Variants in PTPRM observed in about 807,000 individuals in gnomAD.
PTPRM encodes the protein receptor-type tyrosine-protein phosphatase mu.
A neutral mutation model predicts 186.7 loss-of-function variants in PTPRM; 47 were observed. The ratio of observed to expected loss-of-function variants is 0.25; its 90% confidence interval spans 0.20 to 0.32. The LOEUF (loss-of-function observed/expected upper bound fraction) is 0.32, where lower values mean the gene tolerates loss of function less well. PTPRM is among the 10% of genes least tolerant of loss of function. The pLI, the probability that PTPRM is intolerant of heterozygous loss-of-function variation, is 1.00. For synonymous variants in PTPRM, 668 were observed against 674.9 expected, an observed-to-expected ratio of 0.99 and a Z score of 0.16; for missense variants, 1,494 against 1,865.0, an observed-to-expected ratio of 0.80 and a Z score of 3.66.
intron 14 of PTPRM, among the ~76,000 whole-genome samples, chr18:8,168,809 A>G (rs780928363): frequency 2.0e-5 from 3 of 152,204 alleles, no homozygotes; most frequent in Non-Finnish European, 4.4e-5. Context: ...TCAAACCTAC[A>G]TAGTGACAAG....
At chr18:7,995,123 G>T (rs2083466056) in intron 7 of PTPRM, among the ~76,000 whole-genome samples, 1 of 151,960 alleles carries the variant, frequency 6.6e-6, no homozygotes, top group Non-Finnish European at 1.5e-5. Flanking sequence ...ACAAAAAGGA[G>T]ACATTACAAT....
intron 11 of PTPRM, among the ~76,000 whole-genome samples, chr18:8,104,651 T>C (rs2091440583): frequency 6.6e-6 from 1 of 152,080 alleles, no homozygotes; most frequent in Non-Finnish European, 1.5e-5. Context: ...TCTCACTATC[T>C]TGCACAAGTT....
chr18:8,044,337 A>C (rs1273184746), intron 7 of PTPRM, among the ~76,000 whole-genome samples: 2 of 152,188 alleles, frequency 1.3e-5, no homozygotes, highest in Non-Finnish European at 2.9e-5. Context: ...ACGGGACACA[A>C]ATGCTCTTTT....
chr18:8,107,968 TTTTATCAGGTTGTTTAGA>T (rs2091596558), intron 11 of PTPRM, among the ~76,000 whole-genome samples: 2 of 152,154 alleles, frequency 1.3e-5, no homozygotes, highest in Non-Finnish European at 2.9e-5. Flanking sequence ...CTGAGTTTAG[TTTTATCAGGTTGTTTAGA>T]GTATTAGGGT....
intron 3 of PTPRM, among the ~76,000 whole-genome samples, chr18:7,901,372 T>C (rs1245980704): frequency 6.6e-6 from 1 of 151,704 alleles, no homozygotes; most frequent in East Asian, 1.9e-4. Flanking sequence ...TGCATGTTTT[T>C]TTTTTCTTTT....
At chr18:7,864,054 T>C (rs1599137458) in intron 2 of PTPRM, among the ~76,000 whole-genome samples, 2 of 152,370 alleles carry the variant, frequency 1.3e-5, no homozygotes, top group African/African-American at 4.8e-5. Context: ...GTTGTTTTTT[T>C]CTTGTAAATT....
intron 29 of PTPRM, among the ~76,000 whole-genome samples, chr18:8,382,326 T>C (rs1435654345): frequency 6.6e-6 from 1 of 152,132 alleles, no homozygotes; most frequent in Non-Finnish European, 1.5e-5. Context: ...TGGCAAGCTT[T>C]TGGTCAGGAG....
intron 20 of PTPRM, 55 bp from the exon 21 acceptor site, chr18:8,314,726 C>A: frequency 7.5e-7 from 1 of 1,325,044 alleles, no homozygotes; most frequent in Non-Finnish European, 1.1e-6. Context: ...GGGCTCAGAG[C>A]CACCTACCAG....
chr18:7,618,219 G>A (rs930391044), intron 1 of PTPRM, among the ~76,000 whole-genome samples: 4 of 152,256 alleles, frequency 2.6e-5, no homozygotes, highest in South Asian at 2.1e-4. Context: ...TCAATAGACC[G>A]TTGAATGAAA....
chr18:7,837,698 C>T (rs2046121856), intron 2 of PTPRM, among the ~76,000 whole-genome samples: 1 of 152,214 alleles, frequency 6.6e-6, no homozygotes, highest in Non-Finnish European at 1.5e-5. Context: ...CCTCCTCAGC[C>T]TCCCAAAGTG....
At chr18:8,166,346 C>G (rs1447029650) in intron 14 of PTPRM, among the ~76,000 whole-genome samples, 1 of 152,122 alleles carries the variant, frequency 6.6e-6, no homozygotes, top group African/African-American at 2.4e-5. Flanking sequence ...TTGAAGTCAC[C>G]TTGAAGAAGA....
intron 14 of PTPRM, among the ~76,000 whole-genome samples, chr18:8,208,493 G>T (rs111460004): frequency 6.6e-6 from 1 of 151,334 alleles, no homozygotes; most frequent in South Asian, 2.1e-4. Context: ...AGTGAGACTT[G>T]TAAGTAGAGT....
intron 19 of PTPRM, among the ~76,000 whole-genome samples, chr18:8,257,425 C>T (rs1460322156): frequency 1.3e-5 from 2 of 152,190 alleles, no homozygotes; most frequent in East Asian, 3.9e-4. Flanking sequence ...GCCTGAGTCT[C>T]ATTCCTGTAC....
intron 21 of PTPRM, among the ~76,000 whole-genome samples, chr18:8,318,278 T>C (rs2095323321): frequency 7.0e-6 from 1 of 141,914 alleles, no homozygotes; most frequent in Non-Finnish European, 1.5e-5. Context: ...AATTTTTTTG[T>C]TTCCTTCTTT....
intron 3 of PTPRM, among the ~76,000 whole-genome samples, chr18:7,889,763 G>C (rs1041815130): frequency 6.6e-6 from 1 of 150,634 alleles, no homozygotes; most frequent in Non-Finnish European, 1.5e-5. Flanking sequence ...CTGTGGAGAC[G>C]AGCCAGTGAG....
At chr18:8,053,678 T>A (rs971110225) in intron 7 of PTPRM, among the ~76,000 whole-genome samples, 8 of 152,196 alleles carry the variant, frequency 5.3e-5, no homozygotes, top group African/African-American at 1.9e-4. Flanking sequence ...TTTATCAAGT[T>A]CCTTAAAACT....
intron 7 of PTPRM, among the ~76,000 whole-genome samples, chr18:8,021,833 T>C (rs1345120093): frequency 6.6e-6 from 1 of 152,162 alleles, no homozygotes; most frequent in East Asian, 1.9e-4. Flanking sequence ...TCCTCCTGTC[T>C]CAGCCTCTCA....
At chr18:7,703,084 TGTA>T (rs745865014) in intron 1 of PTPRM, among the ~76,000 whole-genome samples, 2 of 152,220 alleles carry the variant, frequency 1.3e-5, no homozygotes, top group Non-Finnish European at 2.9e-5. Context: ...ACTGTAGCCT[TGTA>T]GTATAGTTTG....
At chr18:7,924,424 T>G (rs1260064460) in intron 4 of PTPRM, among the ~76,000 whole-genome samples, 1 of 152,228 alleles carries the variant, frequency 6.6e-6, no homozygotes, top group Non-Finnish European at 1.5e-5. Context: ...TATATTCCTA[T>G]TAATTGAGTT....
Sources: gnomAD v4.1 joint callset for allele counts (sites outside exome capture counted in the v4.1 genomes callset) on GRCh38, gnomAD v4.1.1 for gene constraint, MANE v1.5 for transcripts, NCBI Gene and HGNC (gene_info 2026-07-23, HGNC 2026-07-21) for gene names.